CNTN4: variants seen among roughly 807,000 people sequenced by gnomAD.
CNTN4 encodes contactin 4.
Under a neutral mutation model 122.5 loss-of-function variants are expected in CNTN4, and 77 were observed. The ratio of observed to expected loss-of-function variants is 0.63; its 90% confidence interval spans 0.52 to 0.76. The LOEUF is 0.76. Ranked by LOEUF, CNTN4 falls within the 30% of genes least tolerant of loss-of-function variation. The pLI is 0.00. For synonymous variants in CNTN4, 512 were observed against 447.0 expected, an observed-to-expected ratio of 1.15 and a Z score of -1.83; for missense variants, 1,256 against 1,259.1, an observed-to-expected ratio of 1.00 and a Z score of 0.04.
Position 2,550,000 on chromosome 3 carries a change from C to G in CNTN4, c.-88-21416C>G, listed in dbSNP as rs140920154. Among the ~76,000 whole-genome samples the G allele has an allele frequency of 8.2e-3, 1,247 of 152,124 alleles. 6 individuals are homozygous for G. The highest frequency in any genetic ancestry group is 0.02 in the Middle Eastern group (6 of 294). The stretch of plus-strand genomic sequence containing the variant: ...GTTTATTTGCGTAGAGGTGTTTATA[C>G]TATTCTCTAATGGTAGTTTATATTT... On this transcript the variant is annotated intron_variant, in intron 3 of 24. Coordinates refer to ENST00000418658, the MANE Select transcript of CNTN4 (RefSeq NM_175607.3).
intron 2 of CNTN4, among the ~76,000 whole-genome samples, chr3:2,209,517 C>T (rs1355742690): frequency 6.6e-6 from 1 of 151,754 alleles, no homozygotes. Flanking sequence ...CTGAGTCTCC[C>T]TAGTAACAAA....
intron 3 of CNTN4, among the ~76,000 whole-genome samples, chr3:2,485,460 G>A (rs1264347833): frequency 1.3e-5 from 2 of 152,212 alleles, no homozygotes; most frequent in Non-Finnish European, 2.9e-5. Context: ...CTAGCTCAAG[G>A]TTTGTAAATG....
intron 2 of CNTN4, among the ~76,000 whole-genome samples, chr3:2,125,049 T>A (rs2034053913): frequency 1.3e-5 from 2 of 152,036 alleles, no homozygotes; most frequent in Non-Finnish European, 2.9e-5. Context: ...GTAGCAGATC[T>A]CTAGCACTTA....
chr3:2,539,608 G>T (rs575579058), intron 3 of CNTN4, among the ~76,000 whole-genome samples: 4 of 152,130 alleles, frequency 2.6e-5, no homozygotes, highest in South Asian at 4.2e-4. Flanking sequence ...TTGACTCTTT[G>T]CCCTTTACCA....
chr3:2,522,474 C>T (rs1575840341), intron 3 of CNTN4, among the ~76,000 whole-genome samples: 1 of 152,140 alleles, frequency 6.6e-6, no homozygotes, highest in East Asian at 1.9e-4. Context: ...ATATTTTGAA[C>T]TTTGGATCAT....
intron 4 of CNTN4, among the ~76,000 whole-genome samples, chr3:2,727,452 G>A (rs542088095): frequency 7.2e-5 from 11 of 152,254 alleles, no homozygotes; most frequent in East Asian, 3.9e-4. Context: ...AGGGCTTGGC[G>A]TCAGTATCAC....
At chr3:2,469,712 A>G (rs1428754163) in intron 3 of CNTN4, among the ~76,000 whole-genome samples, 2 of 152,336 alleles carry the variant, frequency 1.3e-5, no homozygotes, top group East Asian at 1.9e-4. Flanking sequence ...CAGTACAAAA[A>G]CAGGCCTTCC....
At chr3:2,174,489 A>G (rs1371778297) in intron 2 of CNTN4, among the ~76,000 whole-genome samples, 1 of 152,088 alleles carries the variant, frequency 6.6e-6, no homozygotes, top group Non-Finnish European at 1.5e-5. Context: ...CTTCTCTCTG[A>G]GTTCTCACAG....
intron 2 of CNTN4, among the ~76,000 whole-genome samples, chr3:2,215,469 G>A (rs2038796408): frequency 6.6e-6 from 1 of 152,138 alleles, no homozygotes; most frequent in East Asian, 1.9e-4. Flanking sequence ...CATTTCTCTA[G>A]GGCATATTCC....
intron 2 of CNTN4, among the ~76,000 whole-genome samples, chr3:2,211,868 A>T (rs181653693): frequency 6.6e-6 from 1 of 152,200 alleles, no homozygotes; most frequent in East Asian, 1.9e-4. Flanking sequence ...CATATACTGT[A>T]TAGGGTATGT....
At chr3:2,778,201 G>A (rs369244720) in intron 6 of CNTN4, among the ~76,000 whole-genome samples, 4 of 111,216 alleles carry the variant, frequency 3.6e-5, no homozygotes, top group Admixed American at 9.1e-5. Context: ...GCGACAGAGC[G>A]AGACTCCGTC....
chr3:2,106,175 G>A (rs533196737), intron 2 of CNTN4, among the ~76,000 whole-genome samples: 1 of 152,338 alleles, frequency 6.6e-6, no homozygotes, highest in South Asian at 2.1e-4. Flanking sequence ...CATGGCTGGA[G>A]TTGAGTGTCT....
intron 2 of CNTN4, among the ~76,000 whole-genome samples, chr3:2,205,484 T>G (rs899653798): frequency 6.6e-6 from 1 of 152,018 alleles, no homozygotes; most frequent in African/African-American, 2.4e-5. Flanking sequence ...AGACTTGGGA[T>G]CCCATGAACT....
intron 4 of CNTN4, among the ~76,000 whole-genome samples, chr3:2,679,018 T>C (rs1284237790): frequency 1.3e-5 from 2 of 152,194 alleles, no homozygotes; most frequent in East Asian, 3.8e-4. Flanking sequence ...TATATCTGTT[T>C]TGAATTTCAG....
At chr3:2,560,304 C>A (rs1436104327) in intron 3 of CNTN4, among the ~76,000 whole-genome samples, 1 of 151,864 alleles carries the variant, frequency 6.6e-6, no homozygotes, top group African/African-American at 2.4e-5. Flanking sequence ...TCACACCCAG[C>A]TAACTTTTTG....
chr3:2,805,224 T>G (rs1291094042), intron 6 of CNTN4, among the ~76,000 whole-genome samples: 1 of 151,348 alleles, frequency 6.6e-6, no homozygotes, highest in East Asian at 1.9e-4. Context: ...TCCTGATCAC[T>G]GTTGCTTCAT....
At chr3:2,593,681 T>G (rs1387672285) in intron 4 of CNTN4, among the ~76,000 whole-genome samples, 1 of 152,148 alleles carries the variant, frequency 6.6e-6, no homozygotes, top group Non-Finnish European at 1.5e-5. Flanking sequence ...GTTGAAAATA[T>G]TTTAGGGAAG....
intron 14 of CNTN4, among the ~76,000 whole-genome samples, chr3:3,024,451 T>C (rs562574697): frequency 1.4e-4 from 21 of 145,526 alleles, no homozygotes; most frequent in South Asian, 4.5e-4. Flanking sequence ...TGAATCAATA[T>C]AGCGGATTTT....
intron 14 of CNTN4, among the ~76,000 whole-genome samples, chr3:2,989,596 C>A (rs1694879433): frequency 6.6e-6 from 1 of 152,150 alleles, no homozygotes; most frequent in East Asian, 1.9e-4. Context: ...CATTAACATA[C>A]TTGACCATGC....
Sources: allele counts gnomAD v4.1 joint callset (sites outside exome capture counted in the v4.1 genomes callset), GRCh38; gene constraint gnomAD v4.1.1; transcripts MANE v1.5; gene names NCBI Gene and HGNC (gene_info 2026-07-23, HGNC 2026-07-21).